FARS2: variants seen among roughly 807,000 people sequenced by gnomAD.
The protein encoded by FARS2 is phenylalanine--tRNA ligase, mitochondrial.
Under a neutral mutation model 46.4 loss-of-function variants are expected in FARS2, and 40 were observed. The ratio of observed to expected loss-of-function variants is 0.86; its 90% CI spans 0.67 to 1.12. The LOEUF (loss-of-function observed/expected upper bound fraction) is 1.12, where lower values mean the gene tolerates loss of function less well. FARS2 is among the 50% of genes most tolerant of loss of function. The pLI, the probability that FARS2 is intolerant of heterozygous loss-of-function variation, is 0.00. For synonymous variants in FARS2, 234 were observed against 214.9 expected (o/e 1.09, Z -0.78); for missense variants, 513 against 567.9 (o/e 0.90, Z 0.98).
At chr6:5,635,458 T>C (rs1776498722) in intron 6 of FARS2, among the ~76,000 whole-genome samples, 1 of 152,216 alleles carries the variant, frequency 6.6e-6, no homozygotes, top group Non-Finnish European at 1.5e-5. Context: ...TGTCACAAGC[T>C]GGGAATAAAA....
intron 1 of FARS2, among the ~76,000 whole-genome samples, chr6:5,353,639 T>C (rs923061461): frequency 6.6e-6 from 1 of 152,116 alleles, no homozygotes; most frequent in African/African-American, 2.4e-5. Flanking sequence ...TGATGATTTA[T>C]GATGTTGAAC....
chr6:5,373,982 A>G (rs1279053923), intron 2 of FARS2, among the ~76,000 whole-genome samples: 2 of 152,036 alleles, frequency 1.3e-5, no homozygotes, highest in Non-Finnish European at 2.9e-5. Flanking sequence ...TTTGAAATTC[A>G]GTTCTTTTTT....
chr6:5,291,879 A>G (rs1767529062), intron 1 of FARS2, among the ~76,000 whole-genome samples: 1 of 152,240 alleles, frequency 6.6e-6, no homozygotes, highest in Non-Finnish European at 1.5e-5. Context: ...AAGTCTAATA[A>G]GATATACTAT....
intron 2 of FARS2, among the ~76,000 whole-genome samples, chr6:5,388,062 A>G (rs1760252057): frequency 6.6e-6 from 1 of 151,858 alleles, no homozygotes; most frequent in Non-Finnish European, 1.5e-5. Context: ...TATTACCTGT[A>G]TTCATTTTTG....
At chr6:5,290,696 T>G (rs1228315763) in intron 1 of FARS2, among the ~76,000 whole-genome samples, 1 of 152,162 alleles carries the variant, frequency 6.6e-6, no homozygotes, top group Non-Finnish European at 1.5e-5. Flanking sequence ...TTTAAATAAT[T>G]CTAGAATGGC....
chr6:5,631,489 C>T lies in FARS2; in HGVS notation c.1217+18169C>T, dbSNP rs987598492. Among the ~76,000 whole-genome samples, 13 of 152,338 alleles carry T rather than the reference C, an allele frequency of 8.5e-5. No individual in the cohort carries two copies. The East Asian group carries it at 2.1e-3, about 25-fold the overall frequency. ...CAAAATTCAAGGTCCCTCTAACCTTCAAAGCCGAGCTGTTTCAAGTGCTTC... is the reference window on the plus strand; with the variant it reads ...CAAAATTCAAGGTCCCTCTAACCTTTAAAGCCGAGCTGTTTCAAGTGCTTC... On this transcript the variant is annotated intron_variant, in intron 6 of 6. Transcript: ENST00000274680.
At chr6:5,568,209 A>G (rs1392850345) in intron 5 of FARS2, among the ~76,000 whole-genome samples, 1 of 151,924 alleles carries the variant, frequency 6.6e-6, no homozygotes, top group Non-Finnish European at 1.5e-5. Flanking sequence ...CTCTTGTAAT[A>G]TGCGGTTCTG....
chr6:5,491,396 T>G (rs1244897784), intron 4 of FARS2, among the ~76,000 whole-genome samples: 1 of 152,176 alleles, frequency 6.6e-6, no homozygotes, highest in Non-Finnish European at 1.5e-5. Flanking sequence ...ATTAAGTAAG[T>G]CTTGCGGTAA....
intron 4 of FARS2, among the ~76,000 whole-genome samples, chr6:5,484,327 C>T (rs554135237): frequency 9.2e-5 from 14 of 152,258 alleles, no homozygotes; most frequent in African/African-American, 3.1e-4. Flanking sequence ...TCATGATCTT[C>T]CTCATCATGT....
At chr6:5,525,772 C>T (rs1022004701) in intron 4 of FARS2, among the ~76,000 whole-genome samples, 1 of 152,226 alleles carries the variant, frequency 6.6e-6, no homozygotes, top group African/African-American at 2.4e-5. Flanking sequence ...TGATAATTAA[C>T]TTGGCTTCAG....
intron 6 of FARS2, among the ~76,000 whole-genome samples, chr6:5,616,993 T>G (rs1049416625): frequency 2.6e-5 from 4 of 151,940 alleles, no homozygotes; most frequent in African/African-American, 9.7e-5. Context: ...TGAATCTTTT[T>G]GATAATTTGG....
intron 3 of FARS2, among the ~76,000 whole-genome samples, chr6:5,430,738 C>A (rs1200109964): frequency 6.6e-6 from 1 of 151,974 alleles, no homozygotes; most frequent in African/African-American, 2.4e-5. Flanking sequence ...ACTTGCTTTC[C>A]CATGATCTTG....
At chr6:5,646,651 C>T (rs1038021535) in intron 6 of FARS2, among the ~76,000 whole-genome samples, 1 of 152,066 alleles carries the variant, frequency 6.6e-6, no homozygotes, top group Non-Finnish European at 1.5e-5. Flanking sequence ...TGCTCAAGTC[C>T]CTGATATAAA....
intron 1 of FARS2, among the ~76,000 whole-genome samples, chr6:5,267,231 C>A (rs930731643): frequency 6.6e-6 from 1 of 151,164 alleles, no homozygotes; most frequent in African/African-American, 2.4e-5. Flanking sequence ...CAAACCCCGA[C>A]CACCATGAGA....
intron 4 of FARS2, chr6:5,466,973 ATATTCT>A (rs1765549411): frequency 1.0e-6 from 1 of 985,318 alleles, no homozygotes; most frequent in African/African-American, 1.7e-5. Flanking sequence ...TAAGAGGCAC[ATATTCT>A]TCAGTTCGTG....
chr6:5,469,292 T>C (rs78610829), intron 4 of FARS2, among the ~76,000 whole-genome samples: 5,520 of 152,314 alleles, frequency 0.036, 310 homozygotes, highest in African/African-American at 0.13. Context: ...CTGCACTGCC[T>C]TGACCCCACT....
chr6:5,675,040 A>G, intron 6 of FARS2, among the ~76,000 whole-genome samples: 1 of 152,262 alleles, frequency 6.6e-6, no homozygotes, highest in Non-Finnish European at 1.5e-5. Flanking sequence ...TGGGGAATTA[A>G]TAAAAAATGT....
intron 4 of FARS2, among the ~76,000 whole-genome samples, chr6:5,475,886 T>A (rs994682276): frequency 3.3e-5 from 5 of 152,136 alleles, no homozygotes; most frequent in Non-Finnish European, 4.4e-5. Flanking sequence ...GTTGCTCCCC[T>A]GATGTTGTTT....
At chr6:5,628,222 G>T (rs1191528346) in intron 6 of FARS2, among the ~76,000 whole-genome samples, 1 of 152,196 alleles carries the variant, frequency 6.6e-6, no homozygotes, top group Non-Finnish European at 1.5e-5. Context: ...GTGTTTGTGT[G>T]TAAGTTTGCT....
Sources: gnomAD v4.1 joint callset for allele counts (sites outside exome capture counted in the v4.1 genomes callset) on GRCh38, gnomAD v4.1.1 for gene constraint, MANE v1.5 for transcripts, NCBI Gene and HGNC (gene_info 2026-07-23, HGNC 2026-07-21) for gene names.